Variants in MTDH observed in about 807,000 individuals in gnomAD.
MTDH encodes metadherin.
A neutral mutation model predicts 72.7 loss-of-function variants in MTDH; 34 were observed. The observed-to-expected ratio is 0.47, with a 90% CI of 0.36 to 0.62. The LOEUF is 0.62. MTDH is among the 20% of genes least tolerant of loss of function. MTDH has a pLI of 0.00. For missense variants in MTDH, 677 were observed against 699.4 expected, an observed-to-expected ratio of 0.97 and a Z score of 0.36; for synonymous variants, 266 against 268.9, an observed-to-expected ratio of 0.99 and a Z score of 0.10.
intron 9 of MTDH, among the ~76,000 whole-genome samples, chr8:97,714,110 A>G (rs113432838): frequency 4.3e-4 from 65 of 152,352 alleles, no homozygotes; most frequent in African/African-American, 1.5e-3. Flanking sequence ...TTTAGCACAC[A>G]TAGAAAAACC....
At chr8:97,717,934 G>T (rs1250238873) in intron 9 of MTDH, among the ~76,000 whole-genome samples, 2 of 152,084 alleles carry the variant, frequency 1.3e-5, no homozygotes, top group Non-Finnish European at 2.9e-5. Context: ...ATTTTTAGTA[G>T]AAACAGGGTT....
chr8:97,723,558 A>G (rs1162040407), intron 11 of MTDH, among the ~76,000 whole-genome samples: 1 of 150,974 alleles, frequency 6.6e-6, no homozygotes, highest in African/African-American at 2.4e-5. Flanking sequence ...CCTGGCTAAC[A>G]TGGTGAAACC....
intron 10 of MTDH, among the ~76,000 whole-genome samples, chr8:97,722,588 T>C (rs2468003): frequency 0.41 from 62,661 of 152,030 alleles, 13,823 homozygotes; most frequent in East Asian, 0.63. Context: ...GGCAACAGAG[T>C]GAGACTCCAC....
intron 1 of MTDH, among the ~76,000 whole-genome samples, chr8:97,649,016 A>G (rs1811666749): frequency 6.6e-6 from 1 of 152,118 alleles, no homozygotes. Context: ...AGATTATGAT[A>G]TTGTATTTTT....
In MTDH at chr8:97,644,842, G is replaced by A. The variant is rs767036603; in HGVS notation, c.336G>A (p.Glu112=). The change falls in exon 1 of 12, where the codon GAG becomes GAA. Residue 112 remains glutamate (E), a synonymous_variant. Coordinates refer to ENST00000336273, the MANE Select transcript of MTDH (RefSeq NM_178812.4). Reference sequence around the variant, plus strand: ...CCTTGCTGAAGAATCTCCGGAGCGAGGAACAGAAGAAGAAGAACCGGAAGA... The same window carrying A: ...CCTTGCTGAAGAATCTCCGGAGCGAAGAACAGAAGAAGAAGAACCGGAAGA... ...DLALLKNLRS[E]EQKKKNRKKL... is the part of the protein sequence containing the mutation. The A allele has an allele frequency of 4.4e-6, 7 of 1,577,838 alleles. No homozygotes were observed. The highest frequency in any genetic ancestry group is 5.1e-6 in the Non-Finnish European group (6 of 1,169,198).
At position 97,706,657 on chromosome 8, in the gene MTDH, T is replaced by C. The variant is rs1472218396; in HGVS notation, c.1179T>C (p.Asp393=). Residue 393 remains aspartate (D), a synonymous_variant, in exon 8 of 12, where the codon GAT becomes GAC. Coordinates refer to ENST00000336273, the MANE Select transcript of MTDH (RefSeq NM_178812.4). ...NGLSSADPNS[D]WNAPAEEWGN... ...TGTCTTCTGCTGATCCCAACTCTGA[T>C]TGGAATGCACCAGCAGAAGAGTGGG... 4 of 1,613,206 alleles carry C rather than the reference T, an allele frequency of 2.5e-6. No individual in the cohort carries two copies. The highest frequency in any genetic ancestry group is 3.4e-6 in the Non-Finnish European group (4 of 1,179,626).
intron 1 of MTDH, among the ~76,000 whole-genome samples, chr8:97,645,776 C>A (rs1811542122): frequency 6.6e-6 from 1 of 152,170 alleles, no homozygotes; most frequent in Non-Finnish European, 1.5e-5. Flanking sequence ...CCCATTATAT[C>A]TTTCATAGTT....
At chr8:97,659,483 T>G (rs1812099689) in intron 1 of MTDH, among the ~76,000 whole-genome samples, 2 of 152,248 alleles carry the variant, frequency 1.3e-5, no homozygotes. Context: ...CAGCTTTTGT[T>G]TTGATTTTCT....
intron 2 of MTDH, among the ~76,000 whole-genome samples, chr8:97,684,529 A>G (rs574453615): frequency 2.0e-5 from 3 of 152,342 alleles, no homozygotes; most frequent in African/African-American, 2.4e-5. Flanking sequence ...TTCATGCTAT[A>G]TGAGCAGAGT....
intron 8 of MTDH, among the ~76,000 whole-genome samples, chr8:97,708,140 G>C (rs927108191): frequency 1.3e-5 from 2 of 150,416 alleles, no homozygotes; most frequent in East Asian, 3.9e-4. Context: ...GCTAATTTTT[G>C]TACTTTTACC....
chr8:97,689,483 A>G (rs1813497022), intron 5 of MTDH, among the ~76,000 whole-genome samples: 1 of 151,328 alleles, frequency 6.6e-6, no homozygotes, highest in Non-Finnish European at 1.5e-5. Flanking sequence ...AAAAAGCTTT[A>G]GTTCCTATAA....
intron 1 of MTDH, among the ~76,000 whole-genome samples, chr8:97,654,083 A>G (rs1156889719): frequency 1.3e-5 from 2 of 152,186 alleles, no homozygotes; most frequent in African/African-American, 2.4e-5. Context: ...CAACAAGGAG[A>G]CAGTTTGGAA....
intron 7 of MTDH, among the ~76,000 whole-genome samples, chr8:97,700,996 TA>T (rs1814097192): frequency 2.0e-5 from 3 of 152,158 alleles, no homozygotes; most frequent in Admixed American, 2.0e-4. Context: ...GGCTAAAGGT[TA>T]GGGGGCTGGG....
intron 1 of MTDH, among the ~76,000 whole-genome samples, chr8:97,652,508 T>A (rs1295506841): frequency 1.3e-5 from 2 of 152,240 alleles, no homozygotes; most frequent in Non-Finnish European, 2.9e-5. Context: ...TATTACAGTT[T>A]GTACATTATT....
chr8:97,701,078 A>G (rs772933958), intron 7 of MTDH, among the ~76,000 whole-genome samples: 1 of 152,124 alleles, frequency 6.6e-6, no homozygotes, highest in Non-Finnish European at 1.5e-5. Context: ...AGTACCTCAT[A>G]TGGTTAGGGC....
At chr8:97,719,018 AT>A in intron 9 of MTDH, 30 bp from the exon 10 acceptor site, 1 of 1,547,324 alleles carries the variant, frequency 6.5e-7, no homozygotes, top group Non-Finnish European at 8.8e-7. Context: ...TGAATGCTTT[AT>A]ATAATCTAAT....
At chr8:97,659,951 G>A (rs544224576) in intron 1 of MTDH, among the ~76,000 whole-genome samples, 9 of 152,290 alleles carry the variant, frequency 5.9e-5, no homozygotes, top group Non-Finnish European at 1.2e-4. Flanking sequence ...CTGAGGTCAG[G>A]AGTTCAAGAC....
chr8:97,682,084 TA>T (rs1196397367), intron 2 of MTDH, among the ~76,000 whole-genome samples: 1 of 151,270 alleles, frequency 6.6e-6, no homozygotes, highest in Non-Finnish European at 1.5e-5. Flanking sequence ...AAGTCTTAGC[TA>T]AAGTGGAGCT....
chr8:97,724,574 T>G (rs1204547750), intron 11 of MTDH, 26 bp from the exon 12 acceptor site: 2 of 1,545,944 alleles, frequency 1.3e-6, no homozygotes, highest in Non-Finnish European at 8.7e-7. Context: ...AATTTTTTTC[T>G]TCGTTTTCCC....
Sources: allele counts gnomAD v4.1 joint callset (sites outside exome capture counted in the v4.1 genomes callset), GRCh38; gene constraint gnomAD v4.1.1; transcripts MANE v1.5; gene names NCBI Gene and HGNC (gene_info 2026-07-23, HGNC 2026-07-21).